Variants in SYNE1 observed in about 807,000 individuals in gnomAD.
The protein encoded by SYNE1 is spectrin repeat containing nuclear envelope protein 1.
A neutral mutation model predicts 1,111.0 loss-of-function variants in SYNE1; 616 were observed. The observed-to-expected ratio is 0.55, with a 90% CI of 0.52 to 0.59. The LOEUF is 0.59. Among genes scored for constraint, SYNE1 ranks in the 20% least tolerant of loss-of-function variants. The probability of loss-of-function intolerance (pLI) is 0.00; values close to 1 mark genes in which losing one functional copy is unlikely to be tolerated. For missense variants in SYNE1, 10,006 were observed against 10,417.0 expected (o/e 0.96, Z 1.72); for synonymous variants, 3,855 against 3,825.8 (o/e 1.01, Z -0.28).
chr6:152,558,834 T>G (rs1267930085), intron 3 of SYNE1, among the ~76,000 whole-genome samples: 1 of 151,984 alleles, frequency 6.6e-6, no homozygotes, highest in African/African-American at 2.4e-5. Context: ...ACTATAAACC[T>G]AAACAATGTA....
chr6:152,573,326 C>T (rs1478361516), intron 3 of SYNE1, among the ~76,000 whole-genome samples: 8 of 128,106 alleles, frequency 6.2e-5, no homozygotes, highest in African/African-American at 1.2e-4. Flanking sequence ...ATGCTATCCC[C>T]CCCCCTCCCC....
At position 152,425,421 on chromosome 6, in the gene SYNE1, C is replaced by T. The variant is rs765409884; in HGVS notation, c.5227G>A (p.Asp1743Asn). ...TGTGGTAAATCTCTCCATCTCTCAT[C>T]CAACTGCTCCAAATGTAGTTTCATC... ...KMMKLHLEQL[D>N]ERWRDLPQII... The change falls in exon 39 of 146, where the codon GAT becomes AAT. Residue 1743 changes from aspartate (D) to asparagine (N), a missense_variant. Around this residue, in one of 7 missense-constraint regions of SYNE1, gnomAD observed 1,971 missense variants for 2,084.1 expected, o/e 0.95. Coordinates refer to ENST00000367255, the MANE Select transcript of SYNE1 (RefSeq NM_182961.4). 114 of 1,614,066 alleles carry T rather than the reference C, an allele frequency of 7.1e-5. No individual in the cohort carries two copies. The highest frequency in any genetic ancestry group is 8.9e-5 in the Non-Finnish European group (105 of 1,180,026).
chr6:152,450,978 A>G, intron 26 of SYNE1, 69 bp downstream of exon 26: 3 of 1,608,688 alleles, frequency 1.9e-6, no homozygotes, highest in Non-Finnish European at 2.6e-6. Context: ...AAACCAAAAT[A>G]TTAGTAATAT....
chr6:152,215,218 T>C (rs2078342716), intron 121 of SYNE1, among the ~76,000 whole-genome samples, 158 bp from the exon 122 acceptor site: 1 of 152,228 alleles, frequency 6.6e-6, no homozygotes, highest in Non-Finnish European at 1.5e-5. Flanking sequence ...TAGGTACGAA[T>C]AGCGAAAAGC....
chr6:152,280,923 C>A (rs1030810898), intron 97 of SYNE1, among the ~76,000 whole-genome samples: 2 of 151,922 alleles, frequency 1.3e-5, no homozygotes, highest in African/African-American at 4.8e-5. Flanking sequence ...TCTCAAATCA[C>A]AAATAAGAAT....
chr6:152,192,517 G>A (rs538189846), intron 127 of SYNE1, among the ~76,000 whole-genome samples: 1 of 152,080 alleles, frequency 6.6e-6, no homozygotes, highest in African/African-American at 2.4e-5. Flanking sequence ...TGTCACCTAG[G>A]CTGGAGTGCA....
At chr6:152,587,167 A>G (rs2099542532) in intron 3 of SYNE1, among the ~76,000 whole-genome samples, 1 of 151,446 alleles carries the variant, frequency 6.6e-6, no homozygotes, top group South Asian at 2.1e-4. Flanking sequence ...ACAGATAGAG[A>G]TACTCCTATC....
At chr6:152,325,622 C>G (rs1324418698) in intron 80 of SYNE1, among the ~76,000 whole-genome samples, 3 of 152,126 alleles carry the variant, frequency 2.0e-5, no homozygotes, top group Admixed American at 1.3e-4. Flanking sequence ...TAGTATGTTA[C>G]ATTTTTTCCT....
rs376312519 is a variant in SYNE1 at position 152,152,022 on chromosome 6, G to C, written c.24249C>G (p.His8083Gln). Residue 8083 changes from histidine (H) to glutamine (Q), a missense_variant, in exon 134 of 146, where the codon CAC becomes CAG. Physicochemically the swap from His to Gln is conservative, Grantham distance 24. Coordinates refer to ENST00000367255, the MANE Select transcript of SYNE1 (RefSeq NM_182961.4). ...DSACSLKQMVHEGNQRWDNLQ... is the reference protein window; with the variant it reads ...DSACSLKQMVQEGNQRWDNLQ... ...GGTTGTCCCATCTCTGGTTGCCTTC[G>C]TGAACCATCTGTTTGAGGCTACATG... 19 of 1,614,072 alleles carry C rather than the reference G, an allele frequency of 1.2e-5. No homozygotes were observed. Among genetic ancestry groups the C allele is most frequent in the Non-Finnish European group, 1.6e-5 (19 of 1,180,048 alleles).
chr6:152,634,285 A>G (rs1402635681), intron 2 of SYNE1, among the ~76,000 whole-genome samples: 1 of 152,202 alleles, frequency 6.6e-6, no homozygotes, highest in Non-Finnish European at 1.5e-5. Flanking sequence ...AAACACATAA[A>G]CAGATTCACA....
chr6:152,196,262 G>C (rs531540452), intron 127 of SYNE1, among the ~76,000 whole-genome samples: 14 of 152,234 alleles, frequency 9.2e-5, no homozygotes, highest in Admixed American at 3.9e-4. Context: ...CCTCTTTGGT[G>C]CTCTTTCCTG....
chr6:152,547,927 TTGAC>T (rs2099322291), intron 3 of SYNE1, among the ~76,000 whole-genome samples: 1 of 152,222 alleles, frequency 6.6e-6, no homozygotes, highest in South Asian at 2.1e-4. Context: ...GATGTGTTAA[TTGAC>T]TGTGGTAATC....
At position 152,549,159 on chromosome 6, in the gene SYNE1, G is replaced by A. The variant is rs139749614; in HGVS notation, c.68-9138C>T. Among the ~76,000 whole-genome samples the A allele has an allele frequency of 2.6e-3, 395 of 152,300 alleles. 4 individuals carry two copies. The highest frequency in any genetic ancestry group is 9.2e-3 in the African/African-American group (383 of 41,566). On this transcript the variant is annotated intron_variant, in intron 3 of 145. Coordinates refer to ENST00000367255, the MANE Select transcript of SYNE1 (RefSeq NM_182961.4). ...TCAACAAACTGAGGCCTAAGACTTC[G>A]AGACTGATGTGTCTGATACCTCCTC...
intron 105 of SYNE1, among the ~76,000 whole-genome samples, chr6:152,246,756 G>A (rs934600215): frequency 5.9e-5 from 9 of 152,142 alleles, no homozygotes; most frequent in Non-Finnish European, 1.0e-4. Flanking sequence ...TCCTCCCCAA[G>A]GCATGTGATT....
At chr6:152,472,809 G>T (rs1452833739) in intron 14 of SYNE1, among the ~76,000 whole-genome samples, 1 of 152,136 alleles carries the variant, frequency 6.6e-6, no homozygotes, top group Non-Finnish European at 1.5e-5. Flanking sequence ...ACCTTTAATG[G>T]CAAAAGAGAT....
chr6:152,507,480 T>C (rs1180125197), intron 8 of SYNE1, among the ~76,000 whole-genome samples: 2 of 151,908 alleles, frequency 1.3e-5, no homozygotes, highest in Admixed American at 1.3e-4. Context: ...CACACACACA[T>C]ACACACACAC....
At chr6:152,498,058 T>G (rs564965749) in intron 11 of SYNE1, among the ~76,000 whole-genome samples, 1 of 152,270 alleles carries the variant, frequency 6.6e-6, no homozygotes, top group Middle Eastern at 3.4e-3. Flanking sequence ...TTTAAAAAAT[T>G]TACTATCTGA....
At chr6:152,300,585 T>C in intron 93 of SYNE1, 56 bp downstream of exon 93, 1 of 1,611,190 alleles carries the variant, frequency 6.2e-7, no homozygotes, top group Non-Finnish European at 8.5e-7. Context: ...AAACAGAGAA[T>C]GGAGTCCTGC....
intron 137 of SYNE1, chr6:152,146,024 C>CAAAAAAAAAA (rs57218606): frequency 4.0e-5 from 2 of 49,664 alleles, no homozygotes; most frequent in Admixed American, 3.0e-4. Flanking sequence ...GACTTCGTCT[C>CAAAAAAAAAA]AAAAAAAAAA....
Sources: allele counts gnomAD v4.1 joint callset (sites outside exome capture counted in the v4.1 genomes callset), GRCh38; gene constraint gnomAD v4.1.1; regional missense constraint gnomAD v4.1.1; transcripts MANE v1.5; gene names NCBI Gene and HGNC (gene_info 2026-07-23, HGNC 2026-07-21).